The following ZC2HC1A variants were observed in gnomAD, a reference collection of about 807,000 sequenced individuals.
ZC2HC1A encodes zinc finger C2HC domain-containing protein 1A.
A neutral mutation model predicts 40.7 loss-of-function variants in ZC2HC1A; 28 were observed. That is an observed-to-expected ratio of 0.69 (90% CI 0.51 to 0.94). The LOEUF (loss-of-function observed/expected upper bound fraction) is 0.94, where lower values mean the gene tolerates loss of function less well. Ranked by LOEUF, ZC2HC1A falls within the 40% of genes least tolerant of loss-of-function variation. The pLI, the probability that ZC2HC1A is intolerant of heterozygous loss-of-function variation, is 0.00. For missense variants in ZC2HC1A, 389 were observed against 386.3 expected (o/e 1.01, Z -0.06); for synonymous variants, 129 against 129.2 (o/e 1.00, Z 0.01).
chr8:78,701,156 C>G (rs1341593300), intron 7 of ZC2HC1A, among the ~76,000 whole-genome samples: 1 of 152,182 alleles, frequency 6.6e-6, no homozygotes, highest in African/African-American at 2.4e-5. Context: ...TTTGTGTCAT[C>G]TTTAATTTCT....
intron 7 of ZC2HC1A, among the ~76,000 whole-genome samples, chr8:78,711,502 T>G (rs1355336800): frequency 6.6e-6 from 1 of 152,120 alleles, no homozygotes; most frequent in Non-Finnish European, 1.5e-5. Flanking sequence ...ACTTTTTTGT[T>G]AGAAGTCAGT....
At chr8:78,708,670 ATCTTTTTTTTT>A (rs1218727344) in intron 7 of ZC2HC1A, among the ~76,000 whole-genome samples, 2 of 78,258 alleles carry the variant, frequency 2.6e-5, no homozygotes, top group Non-Finnish European at 6.3e-5. Context: ...AAAGATGATT[ATCTTTTTTTTT>A]TCTTTTTTTT....
chr8:78,675,900 GATCTGTAA>G, intron 2 of ZC2HC1A, 37 bp downstream of exon 2: 1 of 1,545,402 alleles, frequency 6.5e-7, no homozygotes, highest in African/African-American at 1.4e-5. Flanking sequence ...TGGTTTTACA[GATCTGTAA>G]TTGTTCAATA....
intron 6 of ZC2HC1A, among the ~76,000 whole-genome samples, chr8:78,697,925 A>T (rs1810481764): frequency 6.6e-6 from 1 of 152,030 alleles, no homozygotes; most frequent in African/African-American, 2.4e-5. Context: ...TGATCCCCCA[A>T]CCTGAGCCTC....
intron 1 of ZC2HC1A, among the ~76,000 whole-genome samples, chr8:78,671,676 T>C (rs1479359597): frequency 6.6e-6 from 1 of 152,028 alleles, no homozygotes; most frequent in East Asian, 1.9e-4. Flanking sequence ...ATGATTATCA[T>C]ATATTTCTTT....
At chr8:78,675,358 C>G (rs1809547218) in intron 1 of ZC2HC1A, among the ~76,000 whole-genome samples, 1 of 151,878 alleles carries the variant, frequency 6.6e-6, no homozygotes, top group African/African-American at 2.4e-5. Context: ...TCGTTTTATT[C>G]TAGATTCTTC....
chr8:78,687,472 ATT>A (rs1466136201), intron 4 of ZC2HC1A, among the ~76,000 whole-genome samples: 35 of 145,442 alleles, frequency 2.4e-4, no homozygotes, highest in Middle Eastern at 3.9e-3. Flanking sequence ...TTATATATAT[ATT>A]TATATATAAT....
At chr8:78,673,667 A>G (rs1319001394) in intron 1 of ZC2HC1A, among the ~76,000 whole-genome samples, 1 of 152,196 alleles carries the variant, frequency 6.6e-6, no homozygotes, top group Non-Finnish European at 1.5e-5. Context: ...AAATTGGAGA[A>G]TTGTTACCTT....
chr8:78,687,632 C>A (rs1425443639), intron 4 of ZC2HC1A, among the ~76,000 whole-genome samples: 4 of 126,578 alleles, frequency 3.2e-5, no homozygotes, highest in African/African-American at 8.7e-5. Context: ...TTACGTAATA[C>A]ATTATATATA....
At chr8:78,687,523 A>G (rs1290324670) in intron 4 of ZC2HC1A, among the ~76,000 whole-genome samples, 1 of 144,042 alleles carries the variant, frequency 6.9e-6, no homozygotes, top group Non-Finnish European at 1.5e-5. Flanking sequence ...TATTTATATA[A>G]TAAATTATAT....
chr8:78,686,567 GT>G lies in ZC2HC1A; in HGVS notation c.312del (p.Gly105AlafsTer34). 6.5e-7 allele frequency: 1 copy of G among 1,533,884 alleles called. No individual in the cohort carries two copies. The highest frequency in any genetic ancestry group is 1.9e-5 in the Admixed American group (1 of 52,664). Reference sequence around the variant, plus strand: ...GGCCTTGATCAGGCCCTCAAAGAGGGTGGCAAACTTCCTCCTCCTCCTCCAC... The same window carrying G: ...GGCCTTGATCAGGCCCTCAAAGAGGGGGCAAACTTCCTCCTCCTCCTCCAC... ...AKGLDQALKE[G>X]GKLPPPPPPS... On this transcript the variant is annotated frameshift_variant, in exon 4 of 9. Transcript: ENST00000263849. LOFTEE classifies it high-confidence loss of function.
At chr8:78,673,060 C>T (rs1001672757) in intron 1 of ZC2HC1A, among the ~76,000 whole-genome samples, 24 of 152,176 alleles carry the variant, frequency 1.6e-4, no homozygotes, top group African/African-American at 5.1e-4. Context: ...TGCTCTCCCT[C>T]CTTTTGCCTC....
chr8:78,714,548 T>C (rs909789039), intron 7 of ZC2HC1A, among the ~76,000 whole-genome samples: 4 of 152,162 alleles, frequency 2.6e-5, no homozygotes, highest in African/African-American at 7.2e-5. Context: ...GAATCTAAAT[T>C]CATTTGAATT....
chr8:78,712,439 A>G (rs915994040), intron 7 of ZC2HC1A, among the ~76,000 whole-genome samples: 2 of 152,160 alleles, frequency 1.3e-5, no homozygotes, highest in African/African-American at 4.8e-5. Context: ...TTTAAAAAGC[A>G]GAGTTTGAGA....
intron 7 of ZC2HC1A, among the ~76,000 whole-genome samples, chr8:78,708,379 A>G (rs1176250114): frequency 6.6e-6 from 1 of 152,136 alleles, no homozygotes; most frequent in Non-Finnish European, 1.5e-5. Flanking sequence ...GTTTGCTTCT[A>G]GACAGTTTGT....
intron 4 of ZC2HC1A, among the ~76,000 whole-genome samples, chr8:78,687,835 AATT>A (rs1173342534): frequency 1.2e-4 from 8 of 65,000 alleles, no homozygotes; most frequent in South Asian, 1.1e-3. Context: ...TCATGTAATA[AATT>A]ATATATATAT....
intron 7 of ZC2HC1A, chr8:78,712,137 T>TCTGAAAAA: frequency 8.2e-7 from 1 of 1,215,416 alleles, no homozygotes; most frequent in Non-Finnish European, 1.1e-6. Flanking sequence ...TTGGTTAATA[T>TCTGAAAAA]TTTTCAGATA....
rs772062976 is a variant in ZC2HC1A at position 78,715,230 on chromosome 8, C to A, written c.714C>A (p.Val238=). The change falls in exon 8 of 9, where the codon GTC becomes GTA. Residue 238 remains valine, a synonymous_variant. Coordinates refer to ENST00000263849, the MANE Select transcript of ZC2HC1A (RefSeq NM_016010.3). ...GIAAPHAGAN[V]KPRNSTPPSL... ...TTCCTCTTTTTTATAGAGCTAATGT[C>A]AAACCCCGAAATTCCACACCACCTA... The A allele has an allele frequency of 2.9e-5, 46 of 1,613,306 alleles. No homozygotes were observed. Among genetic ancestry groups the A allele is most frequent in the Non-Finnish European group, 9.3e-6 (11 of 1,179,798 alleles).
In ZC2HC1A at chr8:78,719,575, C is replaced by T. The variant is rs1384994930; in HGVS notation, c.*2082C>T. On this transcript the variant is annotated 3_prime_UTR_variant, in exon 9 of 9. Coordinates refer to ENST00000263849, the MANE Select transcript of ZC2HC1A (RefSeq NM_016010.3). Reference sequence around the variant, plus strand: ...TTTATTTATTTTCACAAGTATTTGACAGTATGGTAGAATAAAAGATGATTG... The same window carrying T: ...TTTATTTATTTTCACAAGTATTTGATAGTATGGTAGAATAAAAGATGATTG... 1 of 151,580 alleles carries T rather than the reference C, an allele frequency of 6.6e-6. No homozygotes were observed. Among genetic ancestry groups the T allele is most frequent in the Non-Finnish European group, 1.5e-5 (1 of 67,658 alleles). The allele number at this position is 151,580 out of a possible 1,614,324, so 9.4% of individuals were successfully genotyped here. A position where few individuals can be genotyped will look rare whatever the true frequency, so the allele number is the denominator to read the frequency against.
Sources: allele counts gnomAD v4.1 joint callset (sites outside exome capture counted in the v4.1 genomes callset), GRCh38; gene constraint gnomAD v4.1.1; transcripts MANE v1.5; gene names NCBI Gene and HGNC (gene_info 2026-07-23, HGNC 2026-07-21).